The following ITGA6 variants were observed in gnomAD, a reference collection of about 807,000 sequenced individuals.
The protein encoded by ITGA6 is integrin alpha-6.
A neutral mutation model predicts 133.6 loss-of-function variants in ITGA6; 63 were observed. The ratio of observed to expected loss-of-function variants is 0.47; its 90% confidence interval spans 0.38 to 0.58. The LOEUF is 0.58. Ranked by LOEUF, ITGA6 falls within the 20% of genes least tolerant of loss-of-function variation. The probability of loss-of-function intolerance (pLI) is 0.00; values close to 1 mark genes in which losing one functional copy is unlikely to be tolerated. For synonymous variants in ITGA6, 434 were observed against 482.0 expected (o/e 0.90, Z 1.30); for missense variants, 1,068 against 1,309.4 (o/e 0.82, Z 2.85).
intron 9 of ITGA6, 46 bp from the exon 10 acceptor site, chr2:172,479,595 C>T (rs964622783): frequency 1.8e-5 from 27 of 1,485,188 alleles, no homozygotes; most frequent in Admixed American, 5.0e-5. Context: ...GACTCACATT[C>T]AAGGTAACAG....
chr2:172,465,483 A>T, intron 1 of ITGA6, 56 bp from the exon 2 acceptor site: 1 of 1,599,902 alleles, frequency 6.3e-7, no homozygotes, highest in Non-Finnish European at 8.6e-7. Context: ...TGACTGATTT[A>T]ACTGTTAAAC....
At position 172,504,363 on chromosome 2, in the gene ITGA6, A is replaced by T; in HGVS notation, c.*295A>T. The T allele has an allele frequency of 1.2e-6, 1 of 802,254 alleles. No homozygotes were observed. The highest frequency in any genetic ancestry group is 2.0e-6 in the Non-Finnish European group (1 of 509,374). 49.7% of individuals were successfully genotyped at this position (802,254 alleles called of 1,614,324 possible). A position where few individuals can be genotyped will look rare whatever the true frequency, so the allele number is the denominator to read the frequency against. ...ATCCCTGAGGACTGATTTCAGAGTG[A>T]CTACACACAGTACGAACCTACAGTT... On this transcript the variant is annotated 3_prime_UTR_variant, in exon 26 of 26. Transcript: ENST00000684293.
At chr2:172,443,891 C>T (rs769624658) in intron 1 of ITGA6, among the ~76,000 whole-genome samples, 5 of 152,114 alleles carry the variant, frequency 3.3e-5, no homozygotes, top group Admixed American at 6.5e-5. Flanking sequence ...CCTCCCGCCT[C>T]GGCCTCCCGA....
intron 23 of ITGA6, among the ~76,000 whole-genome samples, chr2:172,495,132 A>T (rs1466062813): frequency 6.6e-6 from 1 of 152,226 alleles, no homozygotes; most frequent in African/African-American, 2.4e-5. Flanking sequence ...AGTGGGTGGT[A>T]CATTACAGGG....
intron 10 of ITGA6, 48 bp downstream of exon 10, chr2:172,479,787 C>G (rs780463663): frequency 6.7e-7 from 1 of 1,497,890 alleles, no homozygotes. Context: ...TTCCCACCTC[C>G]ACTTCATGAT....
At chr2:172,458,231 C>T (rs1460382292) in intron 1 of ITGA6, among the ~76,000 whole-genome samples, 1 of 149,108 alleles carries the variant, frequency 6.7e-6, no homozygotes, top group African/African-American at 2.5e-5. Flanking sequence ...TTACAATGCA[C>T]AAAAATAATG....
rs750398897 is a variant in ITGA6, at chr2:172,506,069, C to CAA, written c.*2002_*2003dup. ...GGTTGTTAAAAATGTCATCTCAAGT[C>CAA]AAGTCACTGGTCTGTTTGCATTTGA... On this transcript the variant is annotated 3_prime_UTR_variant, in exon 26 of 26. Transcript: ENST00000684293. The CAA allele has an allele frequency of 1.3e-5, 2 of 152,596 alleles. No homozygotes were observed. The highest frequency in any genetic ancestry group is 2.4e-5 in the African/African-American group (1 of 41,438). The allele number at this position is 152,596 out of a possible 1,614,324, so 9.5% of individuals were successfully genotyped here.
In ITGA6 at chr2:172,474,892, G is replaced by C. The variant is rs967757135; in HGVS notation, c.987-37G>C. The C allele has an allele frequency of 3.9e-6, 4 of 1,020,770 alleles. No homozygotes were observed. In the Admixed American group the frequency reaches 5.1e-5, roughly 13 times the overall value. The allele number at this position is 1,020,770 out of a possible 1,614,324, so 63.2% of individuals were successfully genotyped here. ...GACTGGTGTTGCTGGTATGTTAGCT[G>C]TTGGTTCACGGCTCTTTCCCCTCAT... On this transcript the variant is annotated intron_variant, in intron 6 of 25. Coordinates refer to ENST00000684293, the MANE Select transcript of ITGA6 (RefSeq NM_000210.4).
intron 5 of ITGA6, among the ~76,000 whole-genome samples, chr2:172,472,182 G>A (rs2149045219): frequency 6.6e-6 from 1 of 152,258 alleles, no homozygotes; most frequent in African/African-American, 2.4e-5. Flanking sequence ...ATATTAGCCA[G>A]GCGTGGTGGT....
rs1486701990 is a variant in ITGA6 at position 172,506,135 on chromosome 2, A to T, written c.*2067A>T. Reference sequence around the variant, plus strand: ...ACTAGCATTGTAAAATTATTTCATGATTAGAAATTACCTGTGGATATTTGT... The same window carrying T: ...ACTAGCATTGTAAAATTATTTCATGTTTAGAAATTACCTGTGGATATTTGT... On this transcript the variant is annotated 3_prime_UTR_variant, in exon 26 of 26. Transcript: ENST00000684293. The T allele has an allele frequency of 6.6e-6, 1 of 152,632 alleles. No homozygotes were observed. Among genetic ancestry groups the T allele is most frequent in the African/African-American group, 2.4e-5 (1 of 41,462 alleles). The allele number at this position is 152,632 out of a possible 1,614,324, so 9.5% of individuals were successfully genotyped here.
chr2:172,452,180 T>C (rs1685034070), intron 1 of ITGA6, among the ~76,000 whole-genome samples: 1 of 152,206 alleles, frequency 6.6e-6, no homozygotes, highest in Non-Finnish European at 1.5e-5. Context: ...AGGTGGTTCA[T>C]TGCTTTGACT....
At chr2:172,448,149 T>C (rs939956736) in intron 1 of ITGA6, among the ~76,000 whole-genome samples, 2 of 152,180 alleles carry the variant, frequency 1.3e-5, no homozygotes, top group African/African-American at 4.8e-5. Flanking sequence ...CAGGATAAAA[T>C]TGCTGGTCTT....
chr2:172,475,822 T>C (rs1686150251), intron 8 of ITGA6, 137 bp downstream of exon 8: 1 of 651,868 alleles, frequency 1.5e-6, no homozygotes, highest in East Asian at 2.8e-5. Flanking sequence ...TTTAAAAATG[T>C]ATTACTAGAA....
intron 1 of ITGA6, among the ~76,000 whole-genome samples, chr2:172,449,846 G>A (rs957077308): frequency 8.6e-5 from 13 of 151,340 alleles, no homozygotes; most frequent in Middle Eastern, 3.4e-3. Flanking sequence ...GCTTGAACCC[G>A]GGAGGCAGAG....
chr2:172,460,793 C>T (rs1685399919), intron 1 of ITGA6, among the ~76,000 whole-genome samples: 1 of 152,312 alleles, frequency 6.6e-6, no homozygotes, highest in Admixed American at 6.5e-5. Context: ...TTAATTTGGA[C>T]AAACTAAGCA....
Position 172,471,112 on chromosome 2 carries a change from G to A in ITGA6, c.775+7G>A. 1 of 1,614,220 alleles carries A rather than the reference G, an allele frequency of 6.2e-7. No homozygotes were observed. ...CCTGCTAACAGTTACTTAGGTAGGAGCAGGCACAGATGGCTGCCTTTGCCC... is the reference window on the plus strand; with the variant it reads ...CCTGCTAACAGTTACTTAGGTAGGAACAGGCACAGATGGCTGCCTTTGCCC... On this transcript the variant is annotated splice_region_variant and intron_variant, in intron 5 of 25. Transcript: ENST00000684293.
Position 172,455,797 on chromosome 2 carries a change from G to GAA in ITGA6, c.183-9739_183-9738dup, listed in dbSNP as rs1223928613. Among the ~76,000 whole-genome samples, 61 of 152,294 alleles carry GAA rather than the reference G, an allele frequency of 4.0e-4. 1 individual carries two copies. The highest frequency in any genetic ancestry group is 1.4e-3 in the African/African-American group (59 of 41,566). ...TCTCCAAATCAGTCACCAAAATAAG[G>GAA]AAAATAGTTTTTTTTATAACTTAAA... is the stretch of plus-strand genomic sequence containing the variant. On this transcript the variant is annotated intron_variant, in intron 1 of 25. Transcript: ENST00000684293.
intron 1 of ITGA6, among the ~76,000 whole-genome samples, chr2:172,444,967 G>GTTTGT (rs113976635): frequency 6.6e-5 from 7 of 106,528 alleles, no homozygotes; most frequent in Non-Finnish European, 5.6e-5. Flanking sequence ...TGTAGGTTTT[G>GTTTGT]TTTGTTTTGT....
Position 172,491,559 on chromosome 2 carries a change from A to G in ITGA6, c.2988+36A>G. 1 of 1,374,338 alleles carries G rather than the reference A, an allele frequency of 7.3e-7. No homozygotes were observed. The highest frequency in any genetic ancestry group is 1.0e-6 in the Non-Finnish European group (1 of 964,816). The allele number at this position is 1,374,338 out of a possible 1,614,324, so 85.1% of individuals were successfully genotyped here. On this transcript the variant is annotated intron_variant, in intron 23 of 25. Transcript: ENST00000684293. This position sits in a 1 kb window ranked among gnomAD's most constrained non-coding sequence, Gnocchi z 4.4. ...CCCCAGCTTCATTCAGGTTCAGAAC[A>G]TGTCTCTTTTCCCTGTACCCCACAC...
Sources: gnomAD v4.1 joint callset for allele counts (sites outside exome capture counted in the v4.1 genomes callset) on GRCh38, gnomAD v4.1.1 for gene constraint, Gnocchi (gnomAD v3.1) non-coding constraint, MANE v1.5 for transcripts, NCBI Gene and HGNC (gene_info 2026-07-23, HGNC 2026-07-21) for gene names.